Variants in SYT2 observed in about 807,000 individuals in gnomAD.
SYT2 encodes synaptotagmin 2, also known as synaptotagmin-2.
A neutral mutation model predicts 39.9 loss-of-function variants in SYT2; 15 were observed. The observed-to-expected ratio is 0.38, with a 90% CI of 0.25 to 0.58. The LOEUF is 0.58. SYT2 is among the 20% of genes least tolerant of loss of function. The probability of loss-of-function intolerance (pLI) is 0.70; values close to 1 mark genes in which losing one functional copy is unlikely to be tolerated. For synonymous variants in SYT2, 181 were observed against 204.5 expected (o/e 0.89, Z 0.98); for missense variants, 389 against 530.3 (o/e 0.73, Z 2.62).
At chr1:202,693,007 A>G (rs1472636985) in intron 1 of SYT2, among the ~76,000 whole-genome samples, 3 of 152,234 alleles carry the variant, frequency 2.0e-5, no homozygotes, top group Non-Finnish European at 2.9e-5. Flanking sequence ...AAAAATTTCA[A>G]TAGGTTTTGG....
intron 1 of SYT2, among the ~76,000 whole-genome samples, chr1:202,658,727 A>C (rs1301226611): frequency 4.6e-5 from 7 of 151,646 alleles, no homozygotes; most frequent in Non-Finnish European, 1.0e-4. Context: ...GCGCAGCCAA[A>C]TGCTTTAAAA....
intron 8 of SYT2, among the ~76,000 whole-genome samples, chr1:202,598,987 C>G (rs896732569): frequency 1.3e-5 from 2 of 152,166 alleles, no homozygotes; most frequent in Admixed American, 6.5e-5. Flanking sequence ...AAGTCCTAAA[C>G]GAATGATTTG....
At chr1:202,681,176 A>C (rs1653516554) in intron 1 of SYT2, among the ~76,000 whole-genome samples, 1 of 151,864 alleles carries the variant, frequency 6.6e-6, no homozygotes, top group Non-Finnish European at 1.5e-5. Context: ...AAGCCATAAG[A>C]AGCTCACTTT....
intron 1 of SYT2, among the ~76,000 whole-genome samples, chr1:202,642,315 T>C (rs1691937133): frequency 6.6e-6 from 1 of 151,838 alleles, no homozygotes; most frequent in South Asian, 2.1e-4. Flanking sequence ...GATTCCCAGG[T>C]GCAGAGGCTC....
chr1:202,663,167 G>A (rs1367661297), intron 1 of SYT2, among the ~76,000 whole-genome samples: 1 of 152,198 alleles, frequency 6.6e-6, no homozygotes, highest in East Asian at 1.9e-4. Context: ...TAACAAGAAA[G>A]AGAACTCAAG....
chr1:202,648,697 G>A (rs1692137051), intron 1 of SYT2, among the ~76,000 whole-genome samples: 1 of 152,208 alleles, frequency 6.6e-6, no homozygotes, highest in Non-Finnish European at 1.5e-5. Flanking sequence ...GGGCTAAAGA[G>A]GAGTTCCCTG....
chr1:202,674,102 T>C (rs1653265897), intron 1 of SYT2, among the ~76,000 whole-genome samples: 2 of 152,128 alleles, frequency 1.3e-5, no homozygotes, highest in Admixed American at 1.3e-4. Flanking sequence ...TATATTTATT[T>C]GTTTTATTTT....
At chr1:202,707,582 T>A (rs1654284909) in intron 1 of SYT2, among the ~76,000 whole-genome samples, 1 of 152,224 alleles carries the variant, frequency 6.6e-6, no homozygotes, top group Non-Finnish European at 1.5e-5. Flanking sequence ...AGGATGCTTC[T>A]GTCCAGGGAA....
intron 1 of SYT2, among the ~76,000 whole-genome samples, chr1:202,618,400 AGTGTGT>A (rs57621822): frequency 1.2e-3 from 183 of 148,064 alleles, no homozygotes; most frequent in Non-Finnish European, 1.7e-3. Context: ...GTCTGGTGTG[AGTGTGT>A]GTGTGTGTGT....
intron 1 of SYT2, among the ~76,000 whole-genome samples, chr1:202,620,164 C>T (rs1572630413): frequency 2.0e-5 from 3 of 152,240 alleles, no homozygotes; most frequent in African/African-American, 4.8e-5. Context: ...ATTCCCTTCT[C>T]TCCCTGGTCC....
intron 1 of SYT2, among the ~76,000 whole-genome samples, chr1:202,696,218 C>A (rs754711219): frequency 1.3e-5 from 2 of 152,160 alleles, no homozygotes; most frequent in African/African-American, 2.4e-5. Context: ...CAACCCAAAT[C>A]GTGCCTCCCA....
chr1:202,647,483 C>A (rs1040616123), intron 1 of SYT2, among the ~76,000 whole-genome samples: 4 of 152,072 alleles, frequency 2.6e-5, no homozygotes, highest in Non-Finnish European at 5.9e-5. Flanking sequence ...TCCATGAGCA[C>A]CCCCAACAGC....
rs56942389 is a variant in SYT2, at chr1:202,666,152, C to CA, written c.-18+44105dup. 6.8e-3 allele frequency among the ~76,000 whole-genome samples: 703 copies of CA among 102,668 alleles called. 6 individuals carry two copies. The highest frequency in any genetic ancestry group is 0.017 in the African/African-American group (413 of 24,940). 67.4% of individuals were successfully genotyped at this position (102,668 alleles called of 152,430 possible). ...TGGGCGACAGAGCGAGACTCCGTCT[C>CA]AAAAAAAAAAAAAAAAAAAGCTAAA... On this transcript the variant is annotated intron_variant, in intron 1 of 8. Coordinates refer to ENST00000367268, the MANE Select transcript of SYT2 (RefSeq NM_177402.5).
chr1:202,653,499 G>A (rs1423096406), intron 1 of SYT2, among the ~76,000 whole-genome samples: 2 of 142,098 alleles, frequency 1.4e-5, no homozygotes, highest in Admixed American at 1.5e-4. Flanking sequence ...ATCTAGCACA[G>A]TCTGGGCACA....
intron 4 of SYT2, 112 bp from the exon 5 acceptor site, chr1:202,602,657 G>T: frequency 9.6e-7 from 1 of 1,043,188 alleles, no homozygotes; most frequent in Non-Finnish European, 1.4e-6. Context: ...AGTTGGGGCA[G>T]GGAAATGGCG....
chr1:202,631,025 C>T (rs1691573057), intron 1 of SYT2, among the ~76,000 whole-genome samples: 1 of 152,202 alleles, frequency 6.6e-6, no homozygotes, highest in South Asian at 2.1e-4. Context: ...CAGCCCTGCA[C>T]CATTTCTGAA....
Position 202,623,106 on chromosome 1 carries a change from G to A in SYT2, c.-17-17317C>T, listed in dbSNP as rs946014165. 6.6e-6 allele frequency among the ~76,000 whole-genome samples: 1 copy of A among 152,198 alleles called. No homozygotes were observed. Among genetic ancestry groups the A allele is most frequent in the Non-Finnish European group, 1.5e-5 (1 of 68,024 alleles). ...AGGGTGCAGGGATAGTAGCAGTGGT[G>A]AGGGGGCAGAGGGATGCCCCCGCCA... On this transcript the variant is annotated intron_variant, in intron 1 of 8. Transcript: ENST00000367268. The surrounding 1 kb of genome is among the most constrained non-coding windows in gnomAD (Gnocchi z 4.2).
At position 202,596,802 on chromosome 1, in the gene SYT2, G is replaced by C. The variant is rs748198461; in HGVS notation, c.1215C>G (p.Leu405=). Residue 405 remains leucine, a synonymous_variant, in exon 9 of 9, where the codon CTC becomes CTG. Coordinates refer to ENST00000367268, the MANE Select transcript of SYT2 (RefSeq NM_177402.5). ...GTGCATCCACCTCCTCCTCAGGCTT[G>C]AGCGAGTGCCACTGGGCGATGGGCC... The part of the protein sequence containing the change: ...PRRPIAQWHS[L]KPEEEVDALL... 21 of 1,614,052 alleles carry C rather than the reference G, an allele frequency of 1.3e-5. No homozygotes were observed. Among genetic ancestry groups the C allele is most frequent in the Non-Finnish European group, 1.8e-5 (21 of 1,180,010 alleles).
In SYT2 at chr1:202,623,277, T is replaced by C. The variant is rs1405370055; in HGVS notation, c.-17-17488A>G. Among the ~76,000 whole-genome samples the C allele has an allele frequency of 6.6e-6, 1 of 152,224 alleles. No individual in the cohort carries two copies. Among genetic ancestry groups the C allele is most frequent in the Non-Finnish European group, 1.5e-5 (1 of 68,024 alleles). Reference sequence around the variant, plus strand: ...GAGTTAATACTGCAGCACGGCGCACTCTAGCCAAGACGGAGAAGCTGCTGA... The same window carrying C: ...GAGTTAATACTGCAGCACGGCGCACCCTAGCCAAGACGGAGAAGCTGCTGA... On this transcript the variant is annotated intron_variant, in intron 1 of 8. Coordinates refer to ENST00000367268, the MANE Select transcript of SYT2 (RefSeq NM_177402.5). The surrounding 1 kb of genome is among the most constrained non-coding windows in gnomAD (Gnocchi z 4.2).
Sources: allele counts gnomAD v4.1 joint callset (sites outside exome capture counted in the v4.1 genomes callset), GRCh38; gene constraint gnomAD v4.1.1; non-coding constraint Gnocchi (gnomAD v3.1); transcripts MANE v1.5; gene names NCBI Gene and HGNC (gene_info 2026-07-23, HGNC 2026-07-21).